The following SLC5A4 variants were observed in gnomAD, a reference collection of about 807,000 sequenced individuals.
SLC5A4 encodes the protein probable glucose sensor protein SLC5A4.
In SLC5A4, 55 loss-of-function variants were observed where a neutral mutation model predicts 70.3. The observed-to-expected ratio is 0.78, with a 90% CI of 0.63 to 0.98. The LOEUF (loss-of-function observed/expected upper bound fraction) is 0.98. Ranked by LOEUF, SLC5A4 falls within the 50% of genes least tolerant of loss-of-function variation. The pLI is 0.00. For synonymous variants in SLC5A4, 268 were observed against 305.7 expected, an observed-to-expected ratio of 0.88 and a Z score of 1.29; for missense variants, 735 against 839.2, an observed-to-expected ratio of 0.88 and a Z score of 1.53.
the SLC5A4 span, chr22:32,354,924 A>G: frequency 3.9e-5 from 6 of 152,496 alleles, no homozygotes; most frequent in Non-Finnish European, 5.9e-5. Context: ...TCCAGCCTCC[A>G]CTGTGCTAAT....
chr22:32,319,257 T>TC, the SLC5A4 span, among the ~76,000 whole-genome samples: 2 of 151,946 alleles, frequency 1.3e-5, no homozygotes, highest in African/African-American at 4.8e-5. Context: ...CACCATGGGT[T>TC]CTCCTGGGAC....
chr22:32,330,926 C>G, the SLC5A4 span, among the ~76,000 whole-genome samples: 33 of 25,292 alleles, frequency 1.3e-3, no homozygotes, highest in East Asian at 2.3e-3. Flanking sequence ...TTGGAGGCCT[C>G]TGGTGTGTAT....
the SLC5A4 span, among the ~76,000 whole-genome samples, chr22:32,274,545 T>C: frequency 2.0e-5 from 3 of 152,064 alleles, no homozygotes; most frequent in Non-Finnish European, 2.9e-5. Flanking sequence ...AAAAAGCTTA[T>C]GCATAAAAAC....
the SLC5A4 span, among the ~76,000 whole-genome samples, chr22:32,292,951 T>G: frequency 6.6e-6 from 1 of 152,216 alleles, no homozygotes; most frequent in African/African-American, 2.4e-5. Context: ...TGAGGTTATG[T>G]GTCAGTAGGT....
intron 14 of SLC5A4, among the ~76,000 whole-genome samples, chr22:32,219,136 T>C (rs1924900434): frequency 6.6e-6 from 1 of 152,182 alleles, no homozygotes; most frequent in African/African-American, 2.4e-5. Flanking sequence ...ACTAAACCTA[T>C]ACCACTTTCT....
chr22:32,354,631 G>T, the SLC5A4 span, among the ~76,000 whole-genome samples: 9 of 151,318 alleles, frequency 5.9e-5, no homozygotes, highest in African/African-American at 2.2e-4. Flanking sequence ...TACAGCTTGG[G>T]ATAGTGCTCC....
At chr22:32,277,027 A>C in the SLC5A4 span, 1 of 152,186 alleles carries the variant, frequency 6.6e-6, no homozygotes, top group East Asian at 1.9e-4. Flanking sequence ...TCCCAATGTA[A>C]GTGACATGAT....
At chr22:32,254,239 G>C (rs1276250491) in intron 1 of SLC5A4, 26 bp from the exon 2 acceptor site, 1 of 1,593,470 alleles carries the variant, frequency 6.3e-7, no homozygotes, top group Non-Finnish European at 8.6e-7. Flanking sequence ...GACAGGTGAG[G>C]GTCAAGCCCC....
At chr22:32,258,410 C>G (rs912508411), upstream of SLC5A4, among the ~76,000 whole-genome samples, 1 of 151,908 alleles carries the variant, frequency 6.6e-6, no homozygotes, top group Non-Finnish European at 1.5e-5. Context: ...AACTAATAAG[C>G]CAATTAAAAT....
rs536135729 is a variant in SLC5A4, at chr22:32,231,005, G to A, written c.1092C>T (p.Tyr364=). The A allele has an allele frequency of 1.6e-4, 264 of 1,613,832 alleles. 4 individuals are homozygous for A. In the South Asian group the frequency reaches 2.6e-3, roughly 16 times the overall value. ...GTTCCAGCACCATCGTGGGGTATGC[G>A]TAGTTGGTGCAGCCAACATCAACGC... ...HCGVDVGCTN[Y]AYPTMVLELM... The change falls in exon 10 of 15, where the codon TAC becomes TAT. Residue 364 remains tyrosine, a synonymous_variant. Coordinates refer to ENST00000266086, the MANE Select transcript of SLC5A4 (RefSeq NM_014227.3).
chr22:32,282,540 C>A, the SLC5A4 span, among the ~76,000 whole-genome samples: 2 of 152,216 alleles, frequency 1.3e-5, no homozygotes, highest in African/African-American at 4.8e-5. Flanking sequence ...ATTACCCTCT[C>A]ATTCCCTTAC....
chr22:32,282,764 C>T, the SLC5A4 span, among the ~76,000 whole-genome samples: 1 of 152,206 alleles, frequency 6.6e-6, no homozygotes, highest in African/African-American at 2.4e-5. Flanking sequence ...CCTGTCTTCC[C>T]CATGGCTTGG....
chr22:32,339,534 A>G, the SLC5A4 span, among the ~76,000 whole-genome samples: 2 of 152,208 alleles, frequency 1.3e-5, no homozygotes, highest in Admixed American at 6.5e-5. Flanking sequence ...AAACTCATGA[A>G]AACTAAGCGT....
chr22:32,327,291 G>C, the SLC5A4 span: 11 of 152,238 alleles, frequency 7.2e-5, no homozygotes, highest in African/African-American at 2.2e-4. Flanking sequence ...ACAGATCCAG[G>C]CTGATGACTA....
chr22:32,306,407 A>G, the SLC5A4 span, among the ~76,000 whole-genome samples: 4 of 149,968 alleles, frequency 2.7e-5, no homozygotes, highest in Admixed American at 2.7e-4. Context: ...CGGAGCTTGC[A>G]GTGACCCGAG....
chr22:32,258,008 CAGAG>C (rs1156897169), upstream of SLC5A4, among the ~76,000 whole-genome samples: 1 of 150,644 alleles, frequency 6.6e-6, no homozygotes, highest in Non-Finnish European at 1.5e-5. Flanking sequence ...ATTTGTGAGA[CAGAG>C]TCTTGCTCTG....
At chr22:32,293,610 T>C in the SLC5A4 span, among the ~76,000 whole-genome samples, 1 of 152,166 alleles carries the variant, frequency 6.6e-6, no homozygotes. Flanking sequence ...ATTTTATTTC[T>C]GTATATTTTA....
chr22:32,226,552 A>G (rs8137034), intron 11 of SLC5A4, among the ~76,000 whole-genome samples: 31,345 of 152,164 alleles, frequency 0.21, 3,320 homozygotes, highest in Middle Eastern at 0.24. Flanking sequence ...TGAAGCACAA[A>G]TGTCTCATTT....
At chr22:32,244,288 C>T (rs1212911671) in intron 5 of SLC5A4, among the ~76,000 whole-genome samples, 1 of 152,188 alleles carries the variant, frequency 6.6e-6, no homozygotes, top group Non-Finnish European at 1.5e-5. Context: ...GGAGGTGCCA[C>T]GTGTGATATC....
Sources: allele counts gnomAD v4.1 joint callset (sites outside exome capture counted in the v4.1 genomes callset), GRCh38; gene constraint gnomAD v4.1.1; transcripts MANE v1.5; gene names NCBI Gene and HGNC (gene_info 2026-07-23, HGNC 2026-07-21).